Variants in IL10 observed in about 807,000 individuals in gnomAD.
The protein encoded by IL10 is interleukin 10.
IL10 carries 7 observed loss-of-function variants against 21.0 expected under a neutral mutation model. The ratio of observed to expected loss-of-function variants is 0.33; its 90% CI spans 0.19 to 0.63. The LOEUF (loss-of-function observed/expected upper bound fraction) is 0.63. Among genes scored for constraint, IL10 ranks in the 20% least tolerant of loss-of-function variants. IL10 has a pLI of 0.77. For missense variants in IL10, 161 were observed against 213.0 expected (o/e 0.76, Z 1.52); for synonymous variants, 83 against 79.7 (o/e 1.04, Z -0.22).
chr1:206,769,582 T>C, intron 4 of IL10: 1 of 584,162 alleles, frequency 1.7e-6, no homozygotes, highest in South Asian at 2.0e-5. Flanking sequence ...CCGGCCAGCC[T>C]AACCCGCAAG....
At chr1:206,768,839 T>G (rs1674739253) in intron 4 of IL10, 111 bp from the exon 5 acceptor site, 1 of 729,322 alleles carries the variant, frequency 1.4e-6, no homozygotes, top group African/African-American at 1.7e-5. Context: ...GGTTGCTTGT[T>G]CTCCCTCACG....
At chr1:206,770,733 G>T (rs869277252) in intron 3 of IL10, among the ~76,000 whole-genome samples, 174 bp downstream of exon 3, 3 of 152,094 alleles carry the variant, frequency 2.0e-5, no homozygotes, top group African/African-American at 4.8e-5. Context: ...CACCCCCAAC[G>T]CCTGCTCAAA....
chr1:206,772,324 G>T lies in IL10; in HGVS notation c.112C>A (p.Pro38Thr). 6.2e-7 allele frequency: 1 copy of T among 1,614,180 alleles called. No homozygotes were observed. The highest frequency in any genetic ancestry group is 1.3e-5 in the African/African-American group (1 of 75,056). ...TCTCGGAGATCTCGAAGCATGTTAG[G>T]CAGGTTGCCTGGGAAGTGGGTGCAG... is the stretch of plus-strand genomic sequence containing the variant. ...NSCTHFPGNL[P>T]NMLRDLRDAF... The change falls in exon 1 of 5, where the codon CCT (proline) becomes ACT (threonine). Residue 38 changes from proline (P) to threonine (T), a missense_variant. Transcript: ENST00000423557.
rs768132338 is a variant in IL10, at chr1:206,769,838, G to C, written c.435C>G (p.Ala145=). The part of the protein sequence containing the change: ...KSKAVEQVKN[A]FNKLQEKGIY... Reference sequence around the variant, plus strand: ...CACCATCCAAGCTCACCTTATTAAAGGCATTCTTCACCTGCTCCACGGCCT... The same window carrying C: ...CACCATCCAAGCTCACCTTATTAAACGCATTCTTCACCTGCTCCACGGCCT... Residue 145 remains alanine (A), a synonymous_variant, in exon 4 of 5, where the codon GCC becomes GCG. Coordinates refer to ENST00000423557, the MANE Select transcript of IL10 (RefSeq NM_000572.3). The C allele has an allele frequency of 3.7e-6, 6 of 1,613,264 alleles. No individual in the cohort carries two copies. Among genetic ancestry groups the C allele is most frequent in the Non-Finnish European group, 4.2e-6 (5 of 1,179,366 alleles).
At position 206,770,967 on chromosome 1, in the gene IL10, C is replaced by T; in HGVS notation, c.318G>A (p.Lys106=). The T allele has an allele frequency of 6.2e-7, 1 of 1,614,186 alleles. No individual in the cohort carries two copies. The highest frequency in any genetic ancestry group is 8.5e-7 in the Non-Finnish European group (1 of 1,180,018). Residue 106 remains lysine (K), a synonymous_variant, in exon 3 of 5, where the codon AAG becomes AAA. Coordinates refer to ENST00000423557, the MANE Select transcript of IL10 (RefSeq NM_000572.3). ...PQAENQDPDI[K]AHVNSLGENL... The stretch of plus-strand genomic sequence containing the variant: ...TCTCCCCCAGGGAGTTCACATGCGC[C>T]TTGATGTCTGGGTCTTGGTTCTCAG...
intron 3 of IL10, 91 bp from the exon 4 acceptor site, chr1:206,769,985 G>A (rs1674774244): frequency 3.0e-6 from 3 of 1,014,382 alleles, no homozygotes; most frequent in Non-Finnish European, 3.1e-6. Context: ...TCATGAGGAG[G>A]CCAGATTTAT....
In IL10 at chr1:206,768,648, C is replaced by G; in HGVS notation, c.525G>C (p.Lys175Asn). ...CCACCCTGATGTCTCAGTTTCGTAT[C>G]TTCATTGTCATGTAGGCTTCTATGT... ...INYIEAYMTM[K>N]IRN Residue 175 changes from lysine (K) to asparagine (N), a missense_variant, in exon 5 of 5, where the codon AAG becomes AAC. By Grantham distance (94) the Lys-to-Asn change is moderately conservative. Transcript: ENST00000423557. 1 of 1,597,656 alleles carries G rather than the reference C, an allele frequency of 6.3e-7. No homozygotes were observed. The highest frequency in any genetic ancestry group is 8.6e-7 in the Non-Finnish European group (1 of 1,165,058).
chr1:206,771,341 C>G lies in IL10; in HGVS notation c.225+15G>C, dbSNP rs1342823726. 6.2e-7 allele frequency: 1 copy of G among 1,611,280 alleles called. No homozygotes were observed. Among genetic ancestry groups the G allele is most frequent in the South Asian group, 1.1e-5 (1 of 91,008 alleles). ...CATGCTGCACACTCCCCCAGCACCCCGCCCCTGCTCTCACCTTAAAGTCCT... is the reference window on the plus strand; with the variant it reads ...CATGCTGCACACTCCCCCAGCACCCGGCCCCTGCTCTCACCTTAAAGTCCT... On this transcript the variant is annotated intron_variant, in intron 2 of 4. Coordinates refer to ENST00000423557, the MANE Select transcript of IL10 (RefSeq NM_000572.3).
chr1:206,772,131 C>T, intron 1 of IL10, 140 bp downstream of exon 1: 1 of 779,096 alleles, frequency 1.3e-6, no homozygotes, highest in Non-Finnish European at 2.2e-6. Flanking sequence ...ATCTAGGATT[C>T]TCTTAAGAAT....
In IL10 at chr1:206,770,970, G is replaced by C. The variant is rs1486622571; in HGVS notation, c.315C>G (p.Ile105Met). 1 of 1,614,124 alleles carries C rather than the reference G, an allele frequency of 6.2e-7. No homozygotes were observed. The highest frequency in any genetic ancestry group is 1.1e-5 in the South Asian group (1 of 91,078). Residue 105 changes from isoleucine to methionine, a missense_variant, in exon 3 of 5, where the codon ATC (isoleucine) becomes ATG (methionine). Coordinates refer to ENST00000423557, the MANE Select transcript of IL10 (RefSeq NM_000572.3). Reference protein sequence around the residue: ...MPQAENQDPDIKAHVNSLGEN... With the variant: ...MPQAENQDPDMKAHVNSLGEN... ...CCCCCAGGGAGTTCACATGCGCCTT[G>C]ATGTCTGGGTCTTGGTTCTCAGCTT... is the stretch of plus-strand genomic sequence containing the variant.
intron 1 of IL10, 134 bp downstream of exon 1, chr1:206,772,137 A>G (rs1674868318): frequency 1.2e-6 from 1 of 804,882 alleles, no homozygotes; most frequent in Non-Finnish European, 2.1e-6. Context: ...GATTCTCTTA[A>G]GAATTTAAGT....
intron 1 of IL10, among the ~76,000 whole-genome samples, chr1:206,771,690 G>C (rs773139706): frequency 2.6e-5 from 4 of 152,168 alleles, no homozygotes; most frequent in Admixed American, 2.6e-4. Context: ...TTCTTTCTGC[G>C]GAGCTACATT....
chr1:206,768,849 G>A (rs976668241), intron 4 of IL10, 121 bp from the exon 5 acceptor site: 35 of 711,986 alleles, frequency 4.9e-5, no homozygotes, highest in East Asian at 2.9e-4. Context: ...TCTCCCTCAC[G>A]CTGGGAAGTA....
chr1:206,768,279 T>G lies in IL10; in HGVS notation c.*357A>C, dbSNP rs1007340357. On this transcript the variant is annotated 3_prime_UTR_variant, in exon 5 of 5. Coordinates refer to ENST00000423557, the MANE Select transcript of IL10 (RefSeq NM_000572.3). ...CTAGAAAGCGTGGTCAGGCTTGGAA[T>G]GGAAGCTTCTGTTGGCTCCCCAAAG... 6.5e-6 allele frequency: 2 copies of G among 309,480 alleles called. No homozygotes were observed. The highest frequency in any genetic ancestry group is 4.3e-5 in the African/African-American group (2 of 46,194). 19.2% of individuals were successfully genotyped at this position (309,480 alleles called of 1,614,324 possible).
Position 206,768,395 on chromosome 1 carries a change from C to A in IL10, c.*241G>T, listed in dbSNP as rs1031299989. 8.5e-5 allele frequency: 40 copies of A among 472,792 alleles called. No individual in the cohort carries two copies. The Admixed American group carries it at 9.1e-4, about 11-fold the overall frequency. The allele number at this position is 472,792 out of a possible 1,614,324, so 29.3% of individuals were successfully genotyped here. A position where few individuals can be genotyped will look rare whatever the true frequency, so the allele number is the denominator to read the frequency against. The stretch of plus-strand genomic sequence containing the variant: ...TCACCCTATGGAAACAGCTTAAAAA[C>A]AGGTGAAAATAATAAATATTGAAAA... On this transcript the variant is annotated 3_prime_UTR_variant, in exon 5 of 5. Coordinates refer to ENST00000423557, the MANE Select transcript of IL10 (RefSeq NM_000572.3).
intron 3 of IL10, 54 bp downstream of exon 3, chr1:206,770,853 A>C: frequency 4.5e-6 from 7 of 1,542,468 alleles, no homozygotes; most frequent in Non-Finnish European, 6.3e-6. Context: ...GCTGGTCTGT[A>C]GGAGATGGTA....
rs1173566259 is a variant in IL10 at position 206,767,858 on chromosome 1, T to C, written c.*778A>G. ...AATTCTCTTGCCTCAGCCTCCCAAG[T>C]AGCTGGGATTACAGGTGCGCGCCAC... On this transcript the variant is annotated 3_prime_UTR_variant, in exon 5 of 5. Transcript: ENST00000423557. 1 of 153,834 alleles carries C rather than the reference T, an allele frequency of 6.5e-6. No homozygotes were observed. The highest frequency in any genetic ancestry group is 6.5e-5 in the Admixed American group (1 of 15,290). The allele number at this position is 153,834 out of a possible 1,614,324, so 9.5% of individuals were successfully genotyped here.
At chr1:206,772,043 C>T (rs1434748619) in intron 1 of IL10, among the ~76,000 whole-genome samples, 2 of 152,242 alleles carry the variant, frequency 1.3e-5, no homozygotes, top group Non-Finnish European at 2.9e-5. Context: ...AGAGAGAACG[C>T]ATTTACTTTA....
At position 206,768,129 on chromosome 1, in the gene IL10, GA is replaced by G; in HGVS notation, c.*506del. ...TTAGGGGAATCCCTCCGAGACACTG[GA>G]AGGTGAATTAATCATCAAAGGGGCT... On this transcript the variant is annotated 3_prime_UTR_variant, in exon 5 of 5. Transcript: ENST00000423557. The G allele has an allele frequency of 4.5e-6, 1 of 220,490 alleles. No homozygotes were observed. The highest frequency in any genetic ancestry group is 6.8e-5 in the East Asian group (1 of 14,628). 13.7% of individuals were successfully genotyped at this position (220,490 alleles called of 1,614,324 possible). A position where few individuals can be genotyped will look rare whatever the true frequency, so the allele number is the denominator to read the frequency against.
Sources: allele counts gnomAD v4.1 joint callset (sites outside exome capture counted in the v4.1 genomes callset), GRCh38; gene constraint gnomAD v4.1.1; transcripts MANE v1.5; gene names NCBI Gene and HGNC (gene_info 2026-07-23, HGNC 2026-07-21).